The following IGF2R variants were observed in gnomAD, a reference collection of about 807,000 sequenced individuals.
The protein encoded by IGF2R is cation-independent mannose-6-phosphate receptor.
In IGF2R, 91 loss-of-function variants were observed where a neutral mutation model predicts 270.6. The ratio of observed to expected loss-of-function variants is 0.34; its 90% CI spans 0.28 to 0.40. The LOEUF (loss-of-function observed/expected upper bound fraction) is 0.40. Among genes scored for constraint, IGF2R ranks in the 10% least tolerant of loss-of-function variants. IGF2R has a pLI of 1.00. For missense variants in IGF2R, 2,805 were observed against 3,188.3 expected (o/e 0.88, Z 2.90); for synonymous variants, 1,316 against 1,258.9 (o/e 1.05, Z -0.96).
chr6:160,095,597 T>G (rs1779338244), intron 44 of IGF2R: 1 of 152,264 alleles, frequency 6.6e-6, no homozygotes, highest in Non-Finnish European at 1.5e-5. Flanking sequence ...GCTCCTTGTG[T>G]AGACCACTGC....
At chr6:159,991,417 A>C in intron 2 of IGF2R, 94 bp downstream of exon 2, 1 of 1,011,284 alleles carries the variant, frequency 9.9e-7, no homozygotes. Context: ...TAGCGATACA[A>C]AAATTTTGAA....
chr6:160,071,241 CG>C lies in IGF2R; in HGVS notation c.4444-668del, dbSNP rs1562367019. ...CTGGGAGGGAAGGGTGGGGGTGTGT[CG>C]AGGCCCCTGTGCCCAGGGCCCAGGA... On this transcript the variant is annotated intron_variant, in intron 31 of 47. Transcript: ENST00000356956. Among the ~76,000 whole-genome samples, 12 of 67,524 alleles carry C rather than the reference CG, an allele frequency of 1.8e-4. 1 individual carries two copies. Among genetic ancestry groups the C allele is most frequent in the Non-Finnish European group, 5.6e-5 (2 of 35,682 alleles). The allele number at this position is 67,524 out of a possible 152,430, so 44.3% of individuals were successfully genotyped here.
At chr6:160,097,039 ATTGT>A (rs1779377246) in intron 45 of IGF2R, among the ~76,000 whole-genome samples, 1 of 152,148 alleles carries the variant, frequency 6.6e-6, no homozygotes, top group Non-Finnish European at 1.5e-5. Context: ...AATACAAATG[ATTGT>A]TTGGTAAAGT....
In IGF2R at chr6:160,111,039, T is replaced by G. The variant is rs1031381350; in HGVS notation, c.*5955T>G. On this transcript the variant is annotated 3_prime_UTR_variant, in exon 48 of 48. Coordinates refer to ENST00000356956, the MANE Select transcript of IGF2R (RefSeq NM_000876.4). ...GATACTGCTTTGTGTATTTAAAATT[T>G]TCAGAGAGTAGATCTTGTGTTCTTT... The G allele has an allele frequency of 3.9e-5, 6 of 152,218 alleles. No individual in the cohort carries two copies. The highest frequency in any genetic ancestry group is 3.2e-3 in the Middle Eastern group (1 of 316). The allele number at this position is 152,218 out of a possible 1,614,324, so 9.4% of individuals were successfully genotyped here. A position where few individuals can be genotyped will look rare whatever the true frequency, so the allele number is the denominator to read the frequency against.
chr6:159,976,676 G>A (rs1301861979), intron 1 of IGF2R, among the ~76,000 whole-genome samples: 1 of 150,966 alleles, frequency 6.6e-6, no homozygotes, highest in African/African-American at 2.4e-5. Flanking sequence ...TCAATTTTGT[G>A]TATTCCCTTT....
At chr6:160,013,800 G>A (rs1777206813) in intron 4 of IGF2R, among the ~76,000 whole-genome samples, 1 of 152,148 alleles carries the variant, frequency 6.6e-6, no homozygotes, top group Non-Finnish European at 1.5e-5. Context: ...TGCTAAAAAT[G>A]TAGTGCTGTC....
intron 5 of IGF2R, among the ~76,000 whole-genome samples, chr6:160,026,301 G>C (rs1777559849): frequency 6.6e-6 from 1 of 152,140 alleles, no homozygotes; most frequent in Non-Finnish European, 1.5e-5. Context: ...AGAGTTAAAG[G>C]TTTGCTTACC....
intron 44 of IGF2R, chr6:160,093,507 C>G (rs779348946): frequency 5.2e-6 from 3 of 577,242 alleles, no homozygotes; most frequent in Non-Finnish European, 9.7e-6. Flanking sequence ...TCAAATCACA[C>G]GTCTGTACAG....
rs776635110 is a variant in IGF2R, at chr6:160,032,610, T to C, written c.942T>C (p.Thr314=). 9.3e-6 allele frequency: 15 copies of C among 1,614,196 alleles called. No homozygotes were observed. The highest frequency in any genetic ancestry group is 1.3e-5 in the Non-Finnish European group (15 of 1,180,014). ...SNCRYEIEWI[T]EYACHRDYLE... is the part of the protein sequence containing the mutation. Reference sequence around the variant, plus strand: ...GCCGCTATGAAATTGAGTGGATTACTGAGTATGCCTGCCACAGAGATTACC... The same window carrying C: ...GCCGCTATGAAATTGAGTGGATTACCGAGTATGCCTGCCACAGAGATTACC... Residue 314 remains threonine (T), a synonymous_variant, in exon 8 of 48, where the codon ACT becomes ACC. Coordinates refer to ENST00000356956, the MANE Select transcript of IGF2R (RefSeq NM_000876.4).
chr6:160,082,862 C>T (rs16888669), intron 39 of IGF2R, among the ~76,000 whole-genome samples: 22,487 of 152,180 alleles, frequency 0.15, 1,790 homozygotes, highest in Middle Eastern at 0.26. Flanking sequence ...CGTGCAGGAA[C>T]GTGCCCTGGT....
chr6:160,012,208 G>C (rs1476099034), intron 4 of IGF2R, among the ~76,000 whole-genome samples: 2 of 152,116 alleles, frequency 1.3e-5, no homozygotes, highest in African/African-American at 4.8e-5. Context: ...TCAAATGTAA[G>C]CTTCATTTAA....
intron 21 of IGF2R, among the ~76,000 whole-genome samples, chr6:160,058,476 TATA>T (rs1366694719): frequency 1.3e-5 from 2 of 152,198 alleles, no homozygotes; most frequent in South Asian, 2.1e-4. Context: ...ACAACTATAA[TATA>T]ATAATTTTTA....
rs1778071517 is a variant in IGF2R at position 160,046,486 on chromosome 6, ATTCT to A, written c.1904-6_1904-3del. ...GACCTTCCATACTTTTATTGTTTTT[ATTCT>A]TTCTTAGGGTTTTCTTTTGACTTAT... On this transcript the variant is annotated splice_polypyrimidine_tract_variant and splice_region_variant and intron_variant, in intron 14 of 47. Coordinates refer to ENST00000356956, the MANE Select transcript of IGF2R (RefSeq NM_000876.4). 6.3e-7 allele frequency: 1 copy of A among 1,598,996 alleles called. No homozygotes were observed. The highest frequency in any genetic ancestry group is 1.4e-5 in the African/African-American group (1 of 73,378).
intron 1 of IGF2R, among the ~76,000 whole-genome samples, chr6:159,980,138 A>T (rs756592119): frequency 1.3e-5 from 2 of 151,332 alleles, no homozygotes. Context: ...CTGAGATCGC[A>T]CCGCTGCACT....
chr6:160,039,849 C>T (rs1441280907), intron 10 of IGF2R, among the ~76,000 whole-genome samples: 1 of 152,106 alleles, frequency 6.6e-6, no homozygotes. Flanking sequence ...AGCTGGTTTT[C>T]AGACTTAGGC....
At chr6:160,075,343 C>T (rs1237685950) in intron 35 of IGF2R, among the ~76,000 whole-genome samples, 2 of 152,226 alleles carry the variant, frequency 1.3e-5, no homozygotes, top group African/African-American at 4.8e-5. Context: ...CACCTCCTGT[C>T]CCCTCTCCCA....
chr6:160,105,109 C>T lies in IGF2R; in HGVS notation c.*25C>T, dbSNP rs114813076. 123 of 1,496,630 alleles carry T rather than the reference C, an allele frequency of 8.2e-5. No individual in the cohort carries two copies. In the East Asian group the frequency reaches 1.4e-3, roughly 17 times the overall value. The allele number at this position is 1,496,630 out of a possible 1,614,324, so 92.7% of individuals were successfully genotyped here. On this transcript the variant is annotated 3_prime_UTR_variant, in exon 48 of 48. Transcript: ENST00000356956. ...ACTCCGCAGTGCCTGCAGGGGAGCA[C>T]GGAGCCGCGGGACAGCCAAGCACCT... is the stretch of plus-strand genomic sequence containing the variant.
At chr6:160,086,141 AGGG>A (rs1491544359) in intron 41 of IGF2R, among the ~76,000 whole-genome samples, 1 of 152,226 alleles carries the variant, frequency 6.6e-6, no homozygotes, top group Non-Finnish European at 1.5e-5. Context: ...TAGTGAACAC[AGGG>A]GGTGACATGG....
At chr6:160,013,140 T>C (rs1266547422) in intron 4 of IGF2R, among the ~76,000 whole-genome samples, 1 of 152,152 alleles carries the variant, frequency 6.6e-6, no homozygotes, top group Non-Finnish European at 1.5e-5. Context: ...GTACCTCTTA[T>C]GTCACGTTGC....
Sources: gnomAD v4.1 joint callset for allele counts (sites outside exome capture counted in the v4.1 genomes callset) on GRCh38, gnomAD v4.1.1 for gene constraint, MANE v1.5 for transcripts, NCBI Gene and HGNC (gene_info 2026-07-23, HGNC 2026-07-21) for gene names.